The following UBA2 variants were observed in gnomAD, a reference collection of about 807,000 sequenced individuals.
UBA2 encodes the protein SUMO-activating enzyme subunit 2.
In UBA2, 11 loss-of-function variants were observed where a neutral mutation model predicts 77.2. The ratio of observed to expected loss-of-function variants is 0.14; its 90% CI spans 0.09 to 0.24. The LOEUF is 0.24. UBA2 is among the 10% of genes least tolerant of loss of function. The probability of loss-of-function intolerance (pLI) is 1.00; values close to 1 mark genes in which losing one functional copy is unlikely to be tolerated. For missense variants in UBA2, 487 were observed against 781.7 expected (o/e 0.62, Z 4.50); for synonymous variants, 278 against 276.7 (o/e 1.00, Z -0.05).
chr19:34,439,480 A>T (rs1035745363), intron 6 of UBA2, among the ~76,000 whole-genome samples: 5 of 152,184 alleles, frequency 3.3e-5, no homozygotes, highest in African/African-American at 1.2e-4. Context: ...TTAATTACTA[A>T]ATCTTTACTA....
chr19:34,469,400 A>G lies in UBA2; in HGVS notation c.*179A>G, dbSNP rs1185002273. The G allele has an allele frequency of 5.1e-5, 22 of 430,870 alleles. No homozygotes were observed. In the East Asian group the frequency reaches 8.6e-4, roughly 17 times the overall value. 26.7% of individuals were successfully genotyped at this position (430,870 alleles called of 1,614,324 possible). On this transcript the variant is annotated 3_prime_UTR_variant, in exon 17 of 17. Coordinates refer to ENST00000246548, the MANE Select transcript of UBA2 (RefSeq NM_005499.3). Reference sequence around the variant, plus strand: ...AGACACATTGCAGTATGCTGTATTGAAAGTAGGAATATAGTTTTAAAAACC... The same window carrying G: ...AGACACATTGCAGTATGCTGTATTGGAAGTAGGAATATAGTTTTAAAAACC...
intron 8 of UBA2, among the ~76,000 whole-genome samples, chr19:34,445,391 C>A (rs1294331348): frequency 6.7e-6 from 1 of 150,288 alleles, no homozygotes; most frequent in East Asian, 2.0e-4. Flanking sequence ...CCTTCTCTCA[C>A]TTTTTACAGA....
rs761321323 is a variant in UBA2, at chr19:34,447,601, C to CT, written c.771+2483dup. Among the ~76,000 whole-genome samples the CT allele has an allele frequency of 3.4e-4, 51 of 152,164 alleles. 1 individual carries two copies. Among genetic ancestry groups the CT allele is most frequent in the Admixed American group, 3.1e-3 (47 of 15,264 alleles). ...AACATCTGCTGTGTGCCAGACACCT[C>CT]TTTAAGTACAGGGGATTTAGTTGTG... On this transcript the variant is annotated intron_variant, in intron 8 of 16. Coordinates refer to ENST00000246548, the MANE Select transcript of UBA2 (RefSeq NM_005499.3).
At chr19:34,466,076 C>G (rs1265064565) in intron 15 of UBA2, among the ~76,000 whole-genome samples, 2 of 152,130 alleles carry the variant, frequency 1.3e-5, no homozygotes, top group Non-Finnish European at 1.5e-5. Flanking sequence ...CGGCTCACAC[C>G]TGTAATCCCA....
intron 1 of UBA2, 81 bp from the exon 2 acceptor site, chr19:34,430,495 G>T (rs1227305982): frequency 2.0e-6 from 2 of 1,024,090 alleles, no homozygotes; most frequent in African/African-American, 3.2e-5. Context: ...CAAAAGTTCT[G>T]GATTACAGGT....
chr19:34,457,050 C>T (rs532182948), intron 12 of UBA2, among the ~76,000 whole-genome samples: 11 of 149,648 alleles, frequency 7.4e-5, no homozygotes, highest in African/African-American at 2.5e-4. Context: ...TATATCTGGC[C>T]GGGCACGATG....
chr19:34,466,450 T>C (rs2075689247), intron 15 of UBA2, among the ~76,000 whole-genome samples: 1 of 152,224 alleles, frequency 6.6e-6, no homozygotes, highest in South Asian at 2.1e-4. Flanking sequence ...TTGGACCCAG[T>C]TTTATGCTTC....
In UBA2 at chr19:34,438,755, G is replaced by A. The variant is rs2075336783; in HGVS notation, c.570G>A (p.Lys190=). 1 of 1,613,922 alleles carries A rather than the reference G, an allele frequency of 6.2e-7. No individual in the cohort carries two copies. Among genetic ancestry groups the A allele is most frequent in the African/African-American group, 1.3e-5 (1 of 75,032 alleles). The change falls in exon 6 of 17, where the codon AAG becomes AAA. Residue 190 remains lysine, a synonymous_variant. Transcript: ENST00000246548. ...CTATACATTGCATCGTTTGGGCAAA[G>A]TACTTGTTCAAGTAAGAGTGTATAT... is the stretch of plus-strand genomic sequence containing the variant. ...SEPIHCIVWA[K]YLFNQLFGEE... is the part of the protein sequence containing the mutation.
At chr19:34,440,319 A>T (rs1404750022) in intron 6 of UBA2, among the ~76,000 whole-genome samples, 1 of 152,126 alleles carries the variant, frequency 6.6e-6, no homozygotes, top group African/African-American at 2.4e-5. Context: ...AAAAAAAAAA[A>T]AAAATGAAAG....
In UBA2 at chr19:34,458,362, T is replaced by C. The variant is rs571982943; in HGVS notation, c.1246-407T>C. ...CGAGGTCAGGAGATCGAGACCATCC[T>C]GGCTAACACGGTGAAACCCCGTCTC... is the stretch of plus-strand genomic sequence containing the variant. On this transcript the variant is annotated intron_variant, in intron 12 of 16. Transcript: ENST00000246548. Among the ~76,000 whole-genome samples, 214 of 151,742 alleles carry C rather than the reference T, an allele frequency of 1.4e-3. 4 individuals carry two copies. Among genetic ancestry groups the C allele is most frequent in the African/African-American group, 4.9e-3 (202 of 41,384 alleles).
At chr19:34,459,621 G>T (rs117786088) in intron 13 of UBA2, among the ~76,000 whole-genome samples, 2,220 of 152,248 alleles carry the variant, frequency 0.015, 24 homozygotes, top group South Asian at 0.025. Flanking sequence ...CTGTTAAATT[G>T]GCTAGATTTG....
intron 8 of UBA2, among the ~76,000 whole-genome samples, chr19:34,449,125 A>G (rs2075464642): frequency 7.8e-6 from 1 of 128,422 alleles, no homozygotes; most frequent in South Asian, 2.4e-4. Flanking sequence ...GCTGGAGTGC[A>G]GTGGTGCGAT....
At chr19:34,456,071 T>C (rs2075555804) in intron 12 of UBA2, among the ~76,000 whole-genome samples, 1 of 150,344 alleles carries the variant, frequency 6.7e-6, no homozygotes, top group Non-Finnish European at 1.5e-5. Flanking sequence ...GCCACTGCAC[T>C]TGGCCCGATG....
intron 10 of UBA2, 90 bp downstream of exon 10, chr19:34,452,237 A>G (rs1044150588): frequency 1.1e-5 from 13 of 1,149,478 alleles, no homozygotes; most frequent in Non-Finnish European, 3.6e-6. Context: ...TTTTTTGAAT[A>G]TTTACTAGAT....
chr19:34,432,834 C>T (rs767500781), intron 3 of UBA2, among the ~76,000 whole-genome samples: 9 of 152,148 alleles, frequency 5.9e-5, no homozygotes, highest in Non-Finnish European at 8.8e-5. Flanking sequence ...GGATTACAGG[C>T]GTGAGCCACT....
At chr19:34,435,010 T>C (rs753696890) in intron 5 of UBA2, 42 bp downstream of exon 5, 29 of 1,336,000 alleles carry the variant, frequency 2.2e-5, no homozygotes, top group Admixed American at 6.3e-5. Context: ...AAATATTTAT[T>C]TGAGACCTTG....
intron 5 of UBA2, among the ~76,000 whole-genome samples, chr19:34,437,237 C>A (rs999685010): frequency 6.7e-6 from 1 of 149,640 alleles, no homozygotes; most frequent in Non-Finnish European, 1.5e-5. Flanking sequence ...GCTGGGATTA[C>A]AGGTATGAGC....
Position 34,458,780 on chromosome 19 carries a change from T to C in UBA2, c.1257T>C (p.Asn419=). 6.2e-7 allele frequency: 1 copy of C among 1,607,864 alleles called. No individual in the cohort carries two copies. The highest frequency in any genetic ancestry group is 8.5e-7 in the Non-Finnish European group (1 of 1,178,266). ...KIDQCRTIFL[N]KQPNPRKKLL... Reference sequence around the variant, plus strand: ...TTTCTCCTCCAAAGATTTTTTTGAATAAACAACCAAACCCAAGAAAGAAGC... The same window carrying C: ...TTTCTCCTCCAAAGATTTTTTTGAACAAACAACCAAACCCAAGAAAGAAGC... Residue 419 remains asparagine (N), a synonymous_variant, in exon 13 of 17, where the codon AAT becomes AAC. Coordinates refer to ENST00000246548, the MANE Select transcript of UBA2 (RefSeq NM_005499.3).
intron 14 of UBA2, among the ~76,000 whole-genome samples, chr19:34,462,981 C>G (rs1427700074): frequency 6.6e-6 from 1 of 151,910 alleles, no homozygotes; most frequent in Non-Finnish European, 1.5e-5. Context: ...CATTTAATCC[C>G]AGCTATTCGG....
Sources: gnomAD v4.1 joint callset for allele counts (sites outside exome capture counted in the v4.1 genomes callset) on GRCh38, gnomAD v4.1.1 for gene constraint, MANE v1.5 for transcripts, NCBI Gene and HGNC (gene_info 2026-07-23, HGNC 2026-07-21) for gene names.